HS3ST2: variants seen among roughly 807,000 people sequenced by gnomAD.
The protein encoded by HS3ST2 is heparan sulfate glucosamine 3-O-sulfotransferase 2.
In HS3ST2, 17 loss-of-function variants were observed where a neutral mutation model predicts 26.3. The observed-to-expected ratio is 0.65, with a 90% CI of 0.44 to 0.97. The LOEUF is 0.97. HS3ST2 is among the 50% of genes least tolerant of loss of function. The pLI is 0.00. For missense variants in HS3ST2, 402 were observed against 501.2 expected, an observed-to-expected ratio of 0.80 and a Z score of 1.89; for synonymous variants, 237 against 219.2, an observed-to-expected ratio of 1.08 and a Z score of -0.72.
chr16:22,846,878 T>C (rs1389871874), intron 1 of HS3ST2, among the ~76,000 whole-genome samples: 1 of 152,206 alleles, frequency 6.6e-6, no homozygotes, highest in Non-Finnish European at 1.5e-5. Context: ...TGTCCATCTC[T>C]GGCAGAGTCA....
chr16:22,858,046 A>C (rs1348750666), intron 1 of HS3ST2, among the ~76,000 whole-genome samples: 3 of 151,958 alleles, frequency 2.0e-5, no homozygotes, highest in African/African-American at 7.3e-5. Context: ...TAGACCCCAA[A>C]GGTAAAAGAA....
chr16:22,903,982 G>A (rs1902315905), intron 1 of HS3ST2, among the ~76,000 whole-genome samples: 1 of 152,080 alleles, frequency 6.6e-6, no homozygotes, highest in Non-Finnish European at 1.5e-5. Context: ...TATAGCGCAG[G>A]GATTAGAGCA....
chr16:22,885,399 A>T (rs1465757388), intron 1 of HS3ST2, among the ~76,000 whole-genome samples: 1 of 151,292 alleles, frequency 6.6e-6, no homozygotes, highest in African/African-American at 2.4e-5. Flanking sequence ...ACTCTCTGCT[A>T]GAGGACCTCA....
At chr16:22,837,081 CTGTTT>C (rs753409634) in intron 1 of HS3ST2, among the ~76,000 whole-genome samples, 42 of 149,906 alleles carry the variant, frequency 2.8e-4, no homozygotes, top group Non-Finnish European at 4.7e-4. Flanking sequence ...TGTTGGCAAA[CTGTTT>C]TGTTTTGTTT....
At chr16:22,872,978 A>G (rs917824576) in intron 1 of HS3ST2, among the ~76,000 whole-genome samples, 11 of 152,220 alleles carry the variant, frequency 7.2e-5, no homozygotes, top group Middle Eastern at 3.2e-3. Context: ...CTCACCAGAC[A>G]TGTGACCATG....
chr16:22,825,969 G>A (rs1305557013), intron 1 of HS3ST2, among the ~76,000 whole-genome samples: 1 of 152,146 alleles, frequency 6.6e-6, no homozygotes, highest in Non-Finnish European at 1.5e-5. Context: ...GTTGCAGTGA[G>A]CCGAAATCAT....
At position 22,871,438 on chromosome 16, in the gene HS3ST2, T is replaced by A. The variant is rs113758725; in HGVS notation, c.486-43506T>A. The stretch of plus-strand genomic sequence containing the variant: ...AGGTGATGTAAGTGTTCTGAGCATA[T>A]TTAAGGTCAGCTTGGCTAAGCTACA... On this transcript the variant is annotated intron_variant, in intron 1 of 1. Coordinates refer to ENST00000261374, the MANE Select transcript of HS3ST2 (RefSeq NM_006043.2). Among the ~76,000 whole-genome samples, 253 of 152,250 alleles carry A rather than the reference T, an allele frequency of 1.7e-3. 1 individual carries two copies. The highest frequency in any genetic ancestry group is 5.8e-3 in the African/African-American group (239 of 41,550).
intron 1 of HS3ST2, among the ~76,000 whole-genome samples, chr16:22,903,682 G>T (rs1380903623): frequency 6.6e-6 from 1 of 152,154 alleles, no homozygotes; most frequent in Non-Finnish European, 1.5e-5. Context: ...CAGTCTCTTT[G>T]CTCAGTGGTC....
At chr16:22,820,514 G>T (rs1365845272) in intron 1 of HS3ST2, among the ~76,000 whole-genome samples, 3 of 152,248 alleles carry the variant, frequency 2.0e-5, no homozygotes, top group Admixed American at 6.5e-5. Flanking sequence ...ATGACAGAAG[G>T]AGAAAGGCAT....
intron 1 of HS3ST2, among the ~76,000 whole-genome samples, chr16:22,906,784 G>A (rs1160156680): frequency 1.3e-5 from 2 of 152,180 alleles, no homozygotes; most frequent in Non-Finnish European, 2.9e-5. Flanking sequence ...TTATAAATCA[G>A]CACTGACAAC....
chr16:22,827,277 G>C (rs1901102180), intron 1 of HS3ST2, among the ~76,000 whole-genome samples: 1 of 152,182 alleles, frequency 6.6e-6, no homozygotes, highest in African/African-American at 2.4e-5. Context: ...AACCTGGAGA[G>C]GTAACGGGGG....
chr16:22,891,085 T>A (rs1284061409), intron 1 of HS3ST2, among the ~76,000 whole-genome samples: 1 of 152,238 alleles, frequency 6.6e-6, no homozygotes, highest in Non-Finnish European at 1.5e-5. Flanking sequence ...TTTTACTTCC[T>A]GAACCCTAGG....
At chr16:22,895,887 T>C (rs956633307) in intron 1 of HS3ST2, among the ~76,000 whole-genome samples, 2 of 152,094 alleles carry the variant, frequency 1.3e-5, no homozygotes, top group Non-Finnish European at 2.9e-5. Context: ...ACTTGTGTAG[T>C]TTTTCTCTGT....
chr16:22,827,982 C>T (rs1901114422), intron 1 of HS3ST2, among the ~76,000 whole-genome samples: 1 of 152,072 alleles, frequency 6.6e-6, no homozygotes, highest in South Asian at 2.1e-4. Flanking sequence ...GCTAGGATTA[C>T]AGGCCTGAGC....
intron 1 of HS3ST2, among the ~76,000 whole-genome samples, chr16:22,856,162 G>T (rs77947269): frequency 1.3e-5 from 2 of 152,160 alleles, no homozygotes; most frequent in Non-Finnish European, 2.9e-5. Context: ...GCTCAGCAGG[G>T]ATTCCATGTG....
At chr16:22,907,328 A>T (rs192071359) in intron 1 of HS3ST2, among the ~76,000 whole-genome samples, 1 of 152,342 alleles carries the variant, frequency 6.6e-6, no homozygotes, top group East Asian at 1.9e-4. Context: ...AGAATCATTG[A>T]TGCCTGACTT....
intron 1 of HS3ST2, among the ~76,000 whole-genome samples, chr16:22,913,043 C>T (rs1272177967): frequency 2.0e-5 from 3 of 151,620 alleles, no homozygotes; most frequent in Non-Finnish European, 4.4e-5. Flanking sequence ...ATATCCCTTC[C>T]CTGAATATTT....
At chr16:22,832,654 C>T (rs1020734491) in intron 1 of HS3ST2, among the ~76,000 whole-genome samples, 1 of 151,802 alleles carries the variant, frequency 6.6e-6, no homozygotes, top group African/African-American at 2.4e-5. Flanking sequence ...TGGAAGGCAG[C>T]TATGGGAAAT....
At chr16:22,908,210 T>G (rs879943944) in intron 1 of HS3ST2, among the ~76,000 whole-genome samples, 1 of 152,088 alleles carries the variant, frequency 6.6e-6, no homozygotes, top group Admixed American at 6.5e-5. Flanking sequence ...GAGTTAGGAA[T>G]TTGTAAAGGG....
Sources: allele counts gnomAD v4.1 joint callset (sites outside exome capture counted in the v4.1 genomes callset), GRCh38; gene constraint gnomAD v4.1.1; transcripts MANE v1.5; gene names NCBI Gene and HGNC (gene_info 2026-07-23, HGNC 2026-07-21).